Variants in RANBP17 observed in about 807,000 individuals in gnomAD.
The protein encoded by RANBP17 is ran-binding protein 17.
In RANBP17, 158 loss-of-function variants were observed where a neutral mutation model predicts 141.2. The observed-to-expected ratio is 1.12, with a 90% CI of 0.98 to 1.28. RANBP17 has a LOEUF of 1.28. Ranked by LOEUF, RANBP17 falls within the 50% of genes most tolerant of loss-of-function variation. RANBP17 has a pLI of 0.00. For missense variants in RANBP17, 1,438 were observed against 1,290.7 expected, an observed-to-expected ratio of 1.11 and a Z score of -1.75; for synonymous variants, 430 against 450.0, an observed-to-expected ratio of 0.96 and a Z score of 0.56.
chr5:171,031,642 C>T (rs1781555168), intron 14 of RANBP17, among the ~76,000 whole-genome samples: 1 of 151,908 alleles, frequency 6.6e-6, no homozygotes, highest in Non-Finnish European at 1.5e-5. Flanking sequence ...CTCTGTAGGA[C>T]ACACACAGAA....
intron 5 of RANBP17, among the ~76,000 whole-genome samples, chr5:170,908,876 C>T (rs1049666739): frequency 3.3e-5 from 5 of 151,746 alleles, no homozygotes; most frequent in African/African-American, 1.2e-4. Flanking sequence ...TAAACACTAG[C>T]AAGGAAAATG....
At chr5:171,028,837 T>C in intron 14 of RANBP17, 1 of 1,115,242 alleles carries the variant, frequency 9.0e-7, no homozygotes, top group South Asian at 1.3e-5. Context: ...ACTGCCACTG[T>C]ACCTTTTTTT....
chr5:171,150,094 T>C (rs1162343373), intron 14 of RANBP17, among the ~76,000 whole-genome samples: 1 of 152,226 alleles, frequency 6.6e-6, no homozygotes, highest in Non-Finnish European at 1.5e-5. Flanking sequence ...TGTTTTTATA[T>C]TCTGTTTACC....
At chr5:171,057,646 A>T (rs1783490087) in intron 14 of RANBP17, among the ~76,000 whole-genome samples, 2 of 115,116 alleles carry the variant, frequency 1.7e-5, no homozygotes, top group Admixed American at 9.5e-5. Flanking sequence ...AATACCCAAG[A>T]CTTGATAATT....
intron 2 of RANBP17, among the ~76,000 whole-genome samples, chr5:170,880,855 A>G (rs918385816): frequency 1.3e-5 from 2 of 152,236 alleles, no homozygotes; most frequent in East Asian, 1.9e-4. Context: ...GTGTCATGTC[A>G]TGACAACACC....
At chr5:170,934,628 T>C (rs1773700254) in intron 12 of RANBP17, among the ~76,000 whole-genome samples, 3 of 152,220 alleles carry the variant, frequency 2.0e-5, no homozygotes, top group South Asian at 4.1e-4. Context: ...TGTTGAATAT[T>C]GGCCCCCACT....
chr5:170,900,613 G>A (rs555415539), intron 5 of RANBP17, among the ~76,000 whole-genome samples: 50 of 152,132 alleles, frequency 3.3e-4, no homozygotes, highest in African/African-American at 8.9e-4. Context: ...CTAGGGTGTC[G>A]ATTTGAGGTC....
At chr5:171,143,328 A>G (rs1757823766) in intron 14 of RANBP17, 2 of 152,258 alleles carry the variant, frequency 1.3e-5, no homozygotes, top group Non-Finnish European at 1.5e-5. Flanking sequence ...TATATAGTCT[A>G]GTAGTTTTTC....
In RANBP17 at chr5:171,242,753, C is replaced by G. The variant is rs775188637; in HGVS notation, c.2709C>G (p.Ile903Met). Residue 903 changes from isoleucine to methionine, a missense_variant, in exon 24 of 28, where the codon ATC (isoleucine) becomes ATG (methionine). Physicochemically the swap from Ile to Met is conservative, Grantham distance 10. Coordinates refer to ENST00000523189, the MANE Select transcript of RANBP17 (RefSeq NM_022897.5). ...ECLTQDHMSF[I>M]INLEPPVLMY... ...TCACTCAGGACCATATGAGCTTCAT[C>G]ATCAACTTAGAGCCTCCTGTACTCA... 6.2e-7 allele frequency: 1 copy of G among 1,613,562 alleles called. No individual in the cohort carries two copies. The highest frequency in any genetic ancestry group is 1.1e-5 in the South Asian group (1 of 91,056).
At chr5:171,080,417 G>T (rs763730218) in intron 14 of RANBP17, among the ~76,000 whole-genome samples, 13 of 152,136 alleles carry the variant, frequency 8.5e-5, no homozygotes, top group Non-Finnish European at 1.8e-4. Context: ...AATAGTCAGT[G>T]CAACTCTTTT....
At chr5:171,032,710 A>T (rs1781628694) in intron 14 of RANBP17, among the ~76,000 whole-genome samples, 1 of 152,162 alleles carries the variant, frequency 6.6e-6, no homozygotes. Context: ...TTTGTAACCC[A>T]TTAGCACAGA....
intron 14 of RANBP17, among the ~76,000 whole-genome samples, chr5:171,164,424 G>A (rs1258706036): frequency 6.6e-6 from 1 of 152,084 alleles, no homozygotes; most frequent in Non-Finnish European, 1.5e-5. Context: ...GTCCGCATCT[G>A]TTTTTCTTAC....
At chr5:171,162,498 G>A (rs1184307140) in intron 14 of RANBP17, among the ~76,000 whole-genome samples, 1 of 152,120 alleles carries the variant, frequency 6.6e-6, no homozygotes, top group Non-Finnish European at 1.5e-5. Flanking sequence ...TTGAACAGGT[G>A]GTAGTTAGAC....
chr5:170,939,283 A>G (rs1289685844), intron 12 of RANBP17, among the ~76,000 whole-genome samples: 1 of 152,112 alleles, frequency 6.6e-6, no homozygotes, highest in Non-Finnish European at 1.5e-5. Context: ...TTTAAAGGTT[A>G]TTTTCGAGGA....
intron 13 of RANBP17, among the ~76,000 whole-genome samples, chr5:170,965,368 G>A (rs1336462568): frequency 5.9e-5 from 9 of 151,560 alleles, no homozygotes; most frequent in East Asian, 3.9e-4. Context: ...CTCTGATGGT[G>A]GTTTCTTTTG....
At chr5:171,268,028 T>C (rs1375311181) in intron 25 of RANBP17, among the ~76,000 whole-genome samples, 9 of 152,210 alleles carry the variant, frequency 5.9e-5, no homozygotes, top group Admixed American at 1.3e-4. Flanking sequence ...TGTAGACTTA[T>C]AATTATTTGG....
At position 171,061,172 on chromosome 5, in the gene RANBP17, T is replaced by C. The variant is rs571018226; in HGVS notation, c.1710+92795T>C. On this transcript the variant is annotated intron_variant, in intron 14 of 27. Coordinates refer to ENST00000523189, the MANE Select transcript of RANBP17 (RefSeq NM_022897.5). ...GTGTCTCTGTTTCCTTCAGTTCTGC[T>C]CTGATTTTAGTTATTTCTTGCCTTC... Among the ~76,000 whole-genome samples the C allele has an allele frequency of 2.5e-3, 384 of 152,132 alleles. 4 individuals carry two copies. Among genetic ancestry groups the C allele is most frequent in the African/African-American group, 7.8e-3 (322 of 41,508 alleles).
In RANBP17 at chr5:171,051,115, C is replaced by T. The variant is rs115895084; in HGVS notation, c.1710+82738C>T. Reference sequence around the variant, plus strand: ...GGGCTGCTTTCAGGATTTCTTTTTTCTTGGCCTTAGTTTTCAGCAATATGT... The same window carrying T: ...GGGCTGCTTTCAGGATTTCTTTTTTTTTGGCCTTAGTTTTCAGCAATATGT... On this transcript the variant is annotated intron_variant, in intron 14 of 27. Coordinates refer to ENST00000523189, the MANE Select transcript of RANBP17 (RefSeq NM_022897.5). Among the ~76,000 whole-genome samples, 551 of 151,932 alleles carry T rather than the reference C, an allele frequency of 3.6e-3. 4 individuals carry two copies. The highest frequency in any genetic ancestry group is 0.012 in the African/African-American group (513 of 41,456).
At chr5:171,179,804 G>C (rs762934106) in intron 16 of RANBP17, among the ~76,000 whole-genome samples, 2 of 151,868 alleles carry the variant, frequency 1.3e-5, no homozygotes, top group Non-Finnish European at 2.9e-5. Context: ...GATTAAATGG[G>C]GTAAATACTC....
Sources: allele counts gnomAD v4.1 joint callset (sites outside exome capture counted in the v4.1 genomes callset), GRCh38; gene constraint gnomAD v4.1.1; transcripts MANE v1.5; gene names NCBI Gene and HGNC (gene_info 2026-07-23, HGNC 2026-07-21).